NTM: variants seen among roughly 807,000 people sequenced by gnomAD.
NTM encodes the protein neurotrimin.
In NTM, 13 loss-of-function variants were observed where a neutral mutation model predicts 42.1. That is an observed-to-expected ratio of 0.31 (90% CI 0.20 to 0.49). The LOEUF is 0.49. Among genes scored for constraint, NTM ranks in the 20% least tolerant of loss-of-function variants. The pLI is 0.99. For synonymous variants in NTM, 187 were observed against 179.2 expected (o/e 1.04, Z -0.35); for missense variants, 373 against 452.8 (o/e 0.82, Z 1.60).
In NTM at chr11:131,929,178, G is replaced by A. The variant is rs1351514632; in HGVS notation, c.167+17530G>A. On this transcript the variant is annotated intron_variant, in intron 2 of 8. Transcript: ENST00000683400. ...GGAAAGGAGGAAGTGTGCGAGTTTA[G>A]ACTCCCTGGTTAGGGGAAGGCCCTC... is the stretch of plus-strand genomic sequence containing the variant. 2.0e-5 allele frequency among the ~76,000 whole-genome samples: 3 copies of A among 152,358 alleles called. No homozygotes were observed. In the East Asian group the frequency reaches 5.8e-4, roughly 29 times the overall value.
At chr11:132,216,564 A>G (rs2083904684) in intron 4 of NTM, among the ~76,000 whole-genome samples, 1 of 152,202 alleles carries the variant, frequency 6.6e-6, no homozygotes, top group Non-Finnish European at 1.5e-5. Context: ...GATATTCAGC[A>G]AAGCCCTGCA....
intron 1 of NTM, among the ~76,000 whole-genome samples, chr11:131,500,665 A>G (rs1039475302): frequency 1.3e-4 from 20 of 148,238 alleles, no homozygotes; most frequent in Non-Finnish European, 2.1e-4. Flanking sequence ...TACATGCACC[A>G]TGCTGGTGTG....
chr11:131,784,417 A>T (rs1591810994), intron 1 of NTM, among the ~76,000 whole-genome samples: 1 of 103,690 alleles, frequency 9.6e-6, no homozygotes, highest in South Asian at 3.9e-4. Context: ...TTGAGTAATG[A>T]GTAATGAAAA....
At chr11:132,066,944 G>C (rs544755407) in intron 2 of NTM, among the ~76,000 whole-genome samples, 1 of 147,072 alleles carries the variant, frequency 6.8e-6, no homozygotes, top group South Asian at 2.1e-4. Context: ...GATGTGCATG[G>C]CTTTTGTGAA....
In NTM at chr11:131,598,779, TTTC is replaced by T. The variant is rs1457788155; in HGVS notation, c.82+227897_82+227899del. Among the ~76,000 whole-genome samples the T allele has an allele frequency of 6.7e-4, 62 of 92,108 alleles. 7 individuals carry two copies. Among genetic ancestry groups the T allele is most frequent in the African/African-American group, 2.0e-3 (53 of 26,318 alleles). The allele number at this position is 92,108 out of a possible 152,430, so 60.4% of individuals were successfully genotyped here. A position where few individuals can be genotyped will look rare whatever the true frequency, so the allele number is the denominator to read the frequency against. On this transcript the variant is annotated intron_variant, in intron 1 of 8. Transcript: ENST00000683400. ...TCTTCTTTCTTTTTTTCTTTCTTTC[TTTC>T]TTCTTTCTTTCTTTCTTTTTCTTTC...
chr11:131,585,093 C>A (rs779392573), intron 1 of NTM, among the ~76,000 whole-genome samples: 1 of 152,122 alleles, frequency 6.6e-6, no homozygotes, highest in Non-Finnish European at 1.5e-5. Context: ...GGCTATTGGA[C>A]GGATGGGAGG....
chr11:131,539,222 A>G (rs2052792901), intron 1 of NTM: 3 of 152,264 alleles, frequency 2.0e-5, no homozygotes, highest in African/African-American at 7.2e-5. Context: ...GATTACAGGC[A>G]TAAGCCAAAA....
intron 2 of NTM, among the ~76,000 whole-genome samples, chr11:132,079,819 A>G (rs1003083129): frequency 1.1e-4 from 16 of 152,318 alleles, no homozygotes; most frequent in Non-Finnish European, 1.3e-4. Flanking sequence ...TGCATAATCC[A>G]TTAACTTTTG....
chr11:131,582,692 C>T (rs554271366), intron 1 of NTM, among the ~76,000 whole-genome samples: 4 of 152,072 alleles, frequency 2.6e-5, no homozygotes, highest in African/African-American at 7.2e-5. Context: ...ATAGTTAACA[C>T]GCAATACTTA....
chr11:132,109,713 C>T (rs909025951), intron 2 of NTM, among the ~76,000 whole-genome samples: 6 of 152,128 alleles, frequency 3.9e-5, no homozygotes, highest in African/African-American at 1.2e-4. Context: ...CGGGACGCCA[C>T]ATTTTCTCCT....
At chr11:131,608,524 C>T (rs1380975730) in intron 1 of NTM, among the ~76,000 whole-genome samples, 1 of 152,176 alleles carries the variant, frequency 6.6e-6, no homozygotes, top group Non-Finnish European at 1.5e-5. Context: ...CCCATCATTT[C>T]TTATGGTGAC....
At chr11:131,809,084 T>A (rs944093160) in intron 1 of NTM, among the ~76,000 whole-genome samples, 1 of 152,218 alleles carries the variant, frequency 6.6e-6, no homozygotes, top group African/African-American at 2.4e-5. Flanking sequence ...TTAGCATATA[T>A]GCATAGACCA....
At chr11:131,888,788 C>T (rs951745425) in intron 1 of NTM, among the ~76,000 whole-genome samples, 1 of 152,036 alleles carries the variant, frequency 6.6e-6, no homozygotes, top group African/African-American at 2.4e-5. Flanking sequence ...TTTAAAGTGA[C>T]AAGTTTTTCC....
At chr11:131,865,041 C>T (rs1368136722) in intron 1 of NTM, among the ~76,000 whole-genome samples, 1 of 152,180 alleles carries the variant, frequency 6.6e-6, no homozygotes, top group South Asian at 2.1e-4. Context: ...TGTTCTGGAA[C>T]CTGCCTCAAG....
intron 1 of NTM, among the ~76,000 whole-genome samples, chr11:131,505,785 A>C (rs1004214404): frequency 5.3e-5 from 8 of 152,186 alleles, no homozygotes; most frequent in Non-Finnish European, 8.8e-5. Flanking sequence ...CCAGTTGAGA[A>C]CTATCTTCTC....
At chr11:131,871,094 C>G (rs1787766345) in intron 1 of NTM, among the ~76,000 whole-genome samples, 1 of 152,294 alleles carries the variant, frequency 6.6e-6, no homozygotes, top group Middle Eastern at 3.4e-3. Flanking sequence ...AGTTTATTAT[C>G]TGTTGCTGCA....
chr11:131,744,726 A>G (rs1278164003), intron 1 of NTM, among the ~76,000 whole-genome samples: 5 of 152,204 alleles, frequency 3.3e-5, no homozygotes, highest in Non-Finnish European at 5.9e-5. Context: ...GACAGACTAC[A>G]TACTTACCCT....
At chr11:131,560,775 ATTAC>A (rs962131142) in intron 1 of NTM, among the ~76,000 whole-genome samples, 3 of 152,186 alleles carry the variant, frequency 2.0e-5, no homozygotes, top group African/African-American at 4.8e-5. Flanking sequence ...TGTTGAATCT[ATTAC>A]TTACTGTGTT....
intron 1 of NTM, chr11:131,774,166 C>T: frequency 2.1e-6 from 2 of 971,986 alleles, no homozygotes; most frequent in Non-Finnish European, 2.4e-6. Flanking sequence ...CCCATCAGCT[C>T]TAAGAGATTT....
Sources: allele counts gnomAD v4.1 joint callset (sites outside exome capture counted in the v4.1 genomes callset), GRCh38; gene constraint gnomAD v4.1.1; transcripts MANE v1.5; gene names NCBI Gene and HGNC (gene_info 2026-07-23, HGNC 2026-07-21).